ATP9B: variants seen among roughly 807,000 people sequenced by gnomAD.
ATP9B encodes the protein probable phospholipid-transporting ATPase IIB.
A neutral mutation model predicts 146.1 loss-of-function variants in ATP9B; 110 were observed. The observed-to-expected ratio is 0.75, with a 90% CI of 0.65 to 0.88. The LOEUF is 0.88. Ranked by LOEUF, ATP9B falls within the 40% of genes least tolerant of loss-of-function variation. The pLI is 0.00. For synonymous variants in ATP9B, 604 were observed against 569.7 expected, an observed-to-expected ratio of 1.06 and a Z score of -0.86; for missense variants, 1,499 against 1,496.4, an observed-to-expected ratio of 1.00 and a Z score of -0.03.
intron 9 of ATP9B, among the ~76,000 whole-genome samples, chr18:79,200,171 C>T (rs2095455038): frequency 6.6e-6 from 1 of 152,158 alleles, no homozygotes; most frequent in African/African-American, 2.4e-5. Flanking sequence ...ATGTCTAATG[C>T]TATGACATTC....
At chr18:79,087,594 A>G (rs1326057935) in intron 1 of ATP9B, 5 of 152,200 alleles carry the variant, frequency 3.3e-5, no homozygotes, top group South Asian at 2.1e-4. Flanking sequence ...TTTTAAATCT[A>G]TTTCTTCGTT....
chr18:79,256,257 CTA>C (rs10531617), intron 12 of ATP9B, among the ~76,000 whole-genome samples: 38,888 of 100,174 alleles, frequency 0.39, 7,991 homozygotes, highest in Middle Eastern at 0.47. Context: ...TTCTAGCTAG[CTA>C]TATATATATA....
At chr18:79,090,123 A>T (rs1408194973) in intron 1 of ATP9B, among the ~76,000 whole-genome samples, 2 of 152,152 alleles carry the variant, frequency 1.3e-5, no homozygotes, top group African/African-American at 4.8e-5. Flanking sequence ...TTACTGTTGA[A>T]TGGTACTCCA....
chr18:79,307,527 A>G, intron 15 of ATP9B: 1 of 354,628 alleles, frequency 2.8e-6, no homozygotes, highest in Non-Finnish European at 5.2e-6. Flanking sequence ...CTGATTCCGT[A>G]AAGTAATTTG....
At chr18:79,265,110 G>T (rs971497288) in intron 12 of ATP9B, among the ~76,000 whole-genome samples, 9 of 152,114 alleles carry the variant, frequency 5.9e-5, no homozygotes, top group African/African-American at 2.2e-4. Flanking sequence ...TCTCTTCTGT[G>T]TGTTCTCACA....
chr18:79,377,455 G>T lies in ATP9B; in HGVS notation c.*72G>T. On this transcript the variant is annotated 3_prime_UTR_variant, in exon 30 of 30. Transcript: ENST00000426216. ...CCCAGCACCTTGTGCCCTTGCCAGT[G>T]AACGCAGGGTTTGCCATTGCTACCA... is the stretch of plus-strand genomic sequence containing the variant. The T allele has an allele frequency of 6.4e-7, 1 of 1,555,296 alleles. No homozygotes were observed.
At chr18:79,103,659 G>A (rs538752661) in intron 2 of ATP9B, among the ~76,000 whole-genome samples, 3 of 152,220 alleles carry the variant, frequency 2.0e-5, no homozygotes, top group East Asian at 1.9e-4. Flanking sequence ...GGATTCAGAC[G>A]AGGGCTGAAA....
At chr18:79,314,829 A>G (rs1378139245) in intron 15 of ATP9B, among the ~76,000 whole-genome samples, 1 of 152,254 alleles carries the variant, frequency 6.6e-6, no homozygotes, top group African/African-American at 2.4e-5. Context: ...GTGCAGTCGC[A>G]GGACACCAGC....
chr18:79,212,024 A>G (rs2095588798), intron 10 of ATP9B, among the ~76,000 whole-genome samples: 1 of 152,124 alleles, frequency 6.6e-6, no homozygotes, highest in Non-Finnish European at 1.5e-5. Context: ...TTGCCCTCTC[A>G]TGTCTCATTT....
chr18:79,282,261 C>T (rs1247793185), intron 13 of ATP9B, among the ~76,000 whole-genome samples: 1 of 152,196 alleles, frequency 6.6e-6, no homozygotes, highest in Non-Finnish European at 1.5e-5. Context: ...ATTCCATAAG[C>T]TAAGTTGATA....
intron 14 of ATP9B, among the ~76,000 whole-genome samples, chr18:79,306,770 T>C (rs566251356): frequency 4.6e-4 from 70 of 152,348 alleles, no homozygotes; most frequent in Middle Eastern, 6.8e-3. Flanking sequence ...AATATTTTGG[T>C]GTATTTGACA....
chr18:79,277,324 C>G (rs1338374786), intron 13 of ATP9B, 128 bp downstream of exon 13: 2 of 1,225,974 alleles, frequency 1.6e-6, no homozygotes, highest in East Asian at 2.5e-5. Context: ...TCATTGAATC[C>G]ATATTTAGAA....
At chr18:79,199,285 A>T (rs1340597983) in intron 9 of ATP9B, among the ~76,000 whole-genome samples, 1 of 152,186 alleles carries the variant, frequency 6.6e-6, no homozygotes. Context: ...AGTAAATTAC[A>T]CAAAGTAATT....
intron 26 of ATP9B, chr18:79,372,359 G>A (rs1347696554): frequency 3.1e-6 from 1 of 323,084 alleles, no homozygotes; most frequent in Non-Finnish European, 6.2e-6. Flanking sequence ...GGGTTTAAGG[G>A]ATAACTTTTT....
intron 11 of ATP9B, among the ~76,000 whole-genome samples, chr18:79,228,478 A>G (rs971484829): frequency 1.3e-5 from 2 of 152,178 alleles, no homozygotes; most frequent in African/African-American, 4.8e-5. Flanking sequence ...TAAACAAAAT[A>G]ATCCCTGTTT....
intron 7 of ATP9B, among the ~76,000 whole-genome samples, chr18:79,175,091 C>A (rs2147923895): frequency 6.6e-6 from 1 of 151,700 alleles, no homozygotes; most frequent in East Asian, 1.9e-4. Context: ...GTCCCAGCTA[C>A]TCGGAAGGCT....
At chr18:79,202,260 G>A (rs377178618) in intron 9 of ATP9B, among the ~76,000 whole-genome samples, 69 of 152,246 alleles carry the variant, frequency 4.5e-4, no homozygotes, top group Non-Finnish European at 9.3e-4. Flanking sequence ...GATTGATATC[G>A]CTAATTTCAC....
At chr18:79,158,852 T>C (rs2094835068) in intron 7 of ATP9B, among the ~76,000 whole-genome samples, 1 of 152,212 alleles carries the variant, frequency 6.6e-6, no homozygotes, top group African/African-American at 2.4e-5. Context: ...GTTCTAGGTC[T>C]GCAGCATTGT....
At chr18:79,163,917 G>A (rs571474709) in intron 7 of ATP9B, among the ~76,000 whole-genome samples, 2 of 145,032 alleles carry the variant, frequency 1.4e-5, no homozygotes, top group Non-Finnish European at 3.1e-5. Flanking sequence ...GGGGGAGACA[G>A]AGACAGACAG....
Sources: gnomAD v4.1 joint callset for allele counts (sites outside exome capture counted in the v4.1 genomes callset) on GRCh38, gnomAD v4.1.1 for gene constraint, MANE v1.5 for transcripts, NCBI Gene and HGNC (gene_info 2026-07-23, HGNC 2026-07-21) for gene names.